Variants in EGFLAM observed in about 807,000 individuals in gnomAD.
EGFLAM encodes pikachurin.
EGFLAM carries 79 observed loss-of-function variants against 113.1 expected under a neutral mutation model. The ratio of observed to expected loss-of-function variants is 0.70; its 90% CI spans 0.58 to 0.84. The LOEUF (loss-of-function observed/expected upper bound fraction) is 0.84. Among genes scored for constraint, EGFLAM ranks in the 40% least tolerant of loss-of-function variants. The pLI, the probability that EGFLAM is intolerant of heterozygous loss-of-function variation, is 0.00. For missense variants in EGFLAM, 1,265 were observed against 1,291.6 expected (o/e 0.98, Z 0.32); for synonymous variants, 504 against 487.6 (o/e 1.03, Z -0.44).
chr5:38,300,575 C>T (rs1393923974), intron 1 of EGFLAM, among the ~76,000 whole-genome samples: 1 of 152,144 alleles, frequency 6.6e-6, no homozygotes, highest in African/African-American at 2.4e-5. Context: ...GAGCTTTCAC[C>T]ATGTTGGCCA....
chr5:38,310,390 T>C (rs768374586), intron 1 of EGFLAM, among the ~76,000 whole-genome samples: 9 of 152,166 alleles, frequency 5.9e-5, no homozygotes, highest in Non-Finnish European at 1.2e-4. Flanking sequence ...AACAACCTAC[T>C]ACATGAGGTG....
At chr5:38,377,016 T>C (rs969066162) in intron 6 of EGFLAM, among the ~76,000 whole-genome samples, 1 of 152,074 alleles carries the variant, frequency 6.6e-6, no homozygotes, top group African/African-American at 2.4e-5. Flanking sequence ...ATTTTCTCCA[T>C]AGCACTTTCA....
intron 17 of EGFLAM, among the ~76,000 whole-genome samples, chr5:38,447,351 G>A (rs193026708): frequency 1.3e-5 from 2 of 152,268 alleles, no homozygotes; most frequent in Admixed American, 1.3e-4. Context: ...CGTGATCTCA[G>A]GCAAATCCTC....
At chr5:38,350,473 A>G (rs575988377) in intron 3 of EGFLAM, 28 bp from the exon 4 acceptor site, 5 of 1,603,846 alleles carry the variant, frequency 3.1e-6, no homozygotes, top group East Asian at 2.2e-5. Flanking sequence ...ACTGATTGTT[A>G]GCATCTTTCT....
intron 15 of EGFLAM, among the ~76,000 whole-genome samples, chr5:38,434,071 G>T (rs921602961): frequency 6.6e-6 from 1 of 152,126 alleles, no homozygotes; most frequent in African/African-American, 2.4e-5. Flanking sequence ...CCAAAGCACA[G>T]ACCTCTCTCT....
chr5:38,438,622 C>A (rs1742436542), intron 17 of EGFLAM, among the ~76,000 whole-genome samples, 167 bp downstream of exon 17: 1 of 152,182 alleles, frequency 6.6e-6, no homozygotes, highest in Admixed American at 6.5e-5. Context: ...TATAAACTAC[C>A]ATAATTCCTT....
chr5:38,455,299 A>G (rs1285587032), intron 19 of EGFLAM, among the ~76,000 whole-genome samples: 1 of 152,342 alleles, frequency 6.6e-6, no homozygotes, highest in East Asian at 1.9e-4. Context: ...TCTAGTGCAC[A>G]CCAAGCTGAG....
At chr5:38,274,925 A>G (rs915150475) in intron 1 of EGFLAM, among the ~76,000 whole-genome samples, 1 of 152,202 alleles carries the variant, frequency 6.6e-6, no homozygotes, top group Non-Finnish European at 1.5e-5. Context: ...TAAAAATGTA[A>G]ATTGTGACAT....
intron 11 of EGFLAM, among the ~76,000 whole-genome samples, chr5:38,416,912 C>T (rs992700448): frequency 1.3e-5 from 2 of 152,106 alleles, no homozygotes; most frequent in African/African-American, 2.4e-5. Flanking sequence ...TTAGATTTTC[C>T]ACTTGCTGGT....
chr5:38,370,110 C>A (rs147639430), intron 5 of EGFLAM, among the ~76,000 whole-genome samples, 186 bp from the exon 6 acceptor site: 1 of 152,184 alleles, frequency 6.6e-6, no homozygotes, highest in African/African-American at 2.4e-5. Flanking sequence ...TTGTTTTTAT[C>A]GGCAGGGACT....
intron 1 of EGFLAM, among the ~76,000 whole-genome samples, chr5:38,279,567 C>A (rs954402048): frequency 4.6e-5 from 7 of 152,172 alleles, no homozygotes; most frequent in African/African-American, 1.7e-4. Flanking sequence ...TCATTTGCAA[C>A]AACATGGATG....
intron 1 of EGFLAM, among the ~76,000 whole-genome samples, chr5:38,329,222 G>A (rs2434502): frequency 0.39 from 58,631 of 151,694 alleles, 15,322 homozygotes; most frequent in African/African-American, 0.75. Flanking sequence ...CTGGGAGATG[G>A]AAGCTGCAGT....
chr5:38,340,718 G>A (rs1739311702), intron 3 of EGFLAM, among the ~76,000 whole-genome samples: 1 of 152,112 alleles, frequency 6.6e-6, no homozygotes, highest in Non-Finnish European at 1.5e-5. Context: ...TTCTGCAAAG[G>A]CAGACTCAAG....
In EGFLAM at chr5:38,462,619, G is replaced by A. The variant is rs186794940; in HGVS notation, c.2772-289G>A. The A allele has an allele frequency of 1.3e-3, 412 of 307,374 alleles. 9 individuals carry two copies. The highest frequency in any genetic ancestry group is 9.8e-3 in the South Asian group (289 of 29,526). 19.0% of individuals were successfully genotyped at this position (307,374 alleles called of 1,614,324 possible). ...AATAACTGTCCTCTCTCTAGTCTAA[G>A]TTAGGCGCTGCTCCTCTGGTGTAAT... is the stretch of plus-strand genomic sequence containing the variant. On this transcript the variant is annotated intron_variant, in intron 20 of 21. Transcript: ENST00000322350.
chr5:38,426,131 G>A (rs573895071), intron 13 of EGFLAM, among the ~76,000 whole-genome samples: 1 of 151,902 alleles, frequency 6.6e-6, no homozygotes, highest in Admixed American at 6.6e-5. Context: ...AGGGAAGGTA[G>A]ACACAGAAAC....
At chr5:38,389,656 T>C (rs961109081) in intron 6 of EGFLAM, among the ~76,000 whole-genome samples, 2 of 152,184 alleles carry the variant, frequency 1.3e-5, no homozygotes, top group African/African-American at 4.8e-5. Flanking sequence ...TGTTTTTTGT[T>C]TCCCCAGCCT....
At position 38,258,678 on chromosome 5, in the gene EGFLAM, T is replaced by TC. The variant is rs1291658256; in HGVS notation, c.-72dup. 4 of 1,497,990 alleles carry TC rather than the reference T, an allele frequency of 2.7e-6. No homozygotes were observed. The East Asian group carries it at 9.8e-5, about 37-fold the overall frequency. The allele number at this position is 1,497,990 out of a possible 1,614,324, so 92.8% of individuals were successfully genotyped here. A position where few individuals can be genotyped will look rare whatever the true frequency, so the allele number is the denominator to read the frequency against. ...GGCCCGGGGATCCGTTGGGGCCGCG[T>TC]CCCCCACGCGCCCCCGGAGACGCCC... On this transcript the variant is annotated 5_prime_UTR_variant, in exon 1 of 22. Transcript: ENST00000322350.
chr5:38,351,714 A>G (rs911419622), intron 4 of EGFLAM, among the ~76,000 whole-genome samples: 2 of 152,126 alleles, frequency 1.3e-5, no homozygotes, highest in Admixed American at 6.5e-5. Flanking sequence ...TACCATTACT[A>G]TGTATTCTGA....
At chr5:38,328,665 T>C (rs1377432664) in intron 1 of EGFLAM, among the ~76,000 whole-genome samples, 1 of 152,076 alleles carries the variant, frequency 6.6e-6, no homozygotes, top group Non-Finnish European at 1.5e-5. Context: ...GAAATGTGTA[T>C]TTCTTCGGTA....
Sources: gnomAD v4.1 joint callset for allele counts (sites outside exome capture counted in the v4.1 genomes callset) on GRCh38, gnomAD v4.1.1 for gene constraint, MANE v1.5 for transcripts, NCBI Gene and HGNC (gene_info 2026-07-23, HGNC 2026-07-21) for gene names.